The following MNAT1 variants were observed in gnomAD, a reference collection of about 807,000 sequenced individuals.
The protein encoded by MNAT1 is MNAT1 component of CDK activating kinase, also known as CDK-activating kinase assembly factor MAT1.
MNAT1 carries 43 observed loss-of-function variants against 42.0 expected under a neutral mutation model. The ratio of observed to expected loss-of-function variants is 1.02; its 90% CI spans 0.80 to 1.32. MNAT1 has a LOEUF of 1.32. MNAT1 is among the 40% of genes most tolerant of loss of function. MNAT1 has a pLI of 0.00. For missense variants in MNAT1, 306 were observed against 350.4 expected, an observed-to-expected ratio of 0.87 and a Z score of 1.01; for synonymous variants, 118 against 120.0, an observed-to-expected ratio of 0.98 and a Z score of 0.11.
intron 6 of MNAT1, among the ~76,000 whole-genome samples, chr14:60,851,485 T>C (rs1295521079): frequency 2.0e-5 from 3 of 152,182 alleles, no homozygotes; most frequent in African/African-American, 7.2e-5. Context: ...TGTCTCTGTG[T>C]CACACTTTGG....
chr14:60,769,863 A>G (rs1241529354), intron 1 of MNAT1, among the ~76,000 whole-genome samples: 1 of 151,894 alleles, frequency 6.6e-6, no homozygotes, highest in Non-Finnish European at 1.5e-5. Flanking sequence ...CAGAGTCTTG[A>G]TATGTTGCCC....
chr14:60,795,306 A>T (rs1050369340), intron 1 of MNAT1, among the ~76,000 whole-genome samples: 2 of 152,098 alleles, frequency 1.3e-5, no homozygotes, highest in Non-Finnish European at 2.9e-5. Flanking sequence ...TGCCTGACTG[A>T]GTGGTAGTAT....
intron 1 of MNAT1, among the ~76,000 whole-genome samples, chr14:60,751,914 A>G (rs1446121989): frequency 6.6e-6 from 1 of 152,160 alleles, no homozygotes; most frequent in African/African-American, 2.4e-5. Flanking sequence ...TGATTTATAT[A>G]TATTTAATGA....
rs568839778 is a variant in MNAT1 at position 60,837,492 on chromosome 14, C to A, written c.687+18645C>A. Reference sequence around the variant, plus strand: ...GGGAAGGGAGTTCCCTGACCCCATGCGCTTCCTGGGTGAGGCGATGCCCCA... The same window carrying A: ...GGGAAGGGAGTTCCCTGACCCCATGAGCTTCCTGGGTGAGGCGATGCCCCA... On this transcript the variant is annotated intron_variant, in intron 6 of 7. Coordinates refer to ENST00000261245, the MANE Select transcript of MNAT1 (RefSeq NM_002431.4). Among the ~76,000 whole-genome samples the A allele has an allele frequency of 5.3e-5, 8 of 152,320 alleles. No homozygotes were observed. The East Asian group carries it at 1.4e-3, about 26-fold the overall frequency.
At chr14:60,925,747 A>G (rs1205644920) in intron 7 of MNAT1, among the ~76,000 whole-genome samples, 1 of 152,046 alleles carries the variant, frequency 6.6e-6, no homozygotes, top group Non-Finnish European at 1.5e-5. Flanking sequence ...GGAATAATTA[A>G]TGTTTTTGTT....
chr14:60,883,793 T>C (rs2139471009), intron 7 of MNAT1, among the ~76,000 whole-genome samples: 1 of 152,108 alleles, frequency 6.6e-6, no homozygotes, highest in East Asian at 1.9e-4. Context: ...GATCTTTCAC[T>C]TATTTGGTTA....
chr14:60,776,068 T>C (rs961345090), intron 1 of MNAT1, among the ~76,000 whole-genome samples: 1 of 152,200 alleles, frequency 6.6e-6, no homozygotes, highest in Admixed American at 6.5e-5. Flanking sequence ...GCTTCAACCA[T>C]AGATGGATCA....
chr14:60,784,706 G>T (rs1005068899), intron 1 of MNAT1, among the ~76,000 whole-genome samples: 1 of 151,230 alleles, frequency 6.6e-6, no homozygotes, highest in Admixed American at 6.6e-5. Flanking sequence ...TTTGTGATCC[G>T]CCCACCTCGG....
intron 1 of MNAT1, among the ~76,000 whole-genome samples, chr14:60,784,839 G>A (rs1238278624): frequency 2.0e-5 from 3 of 151,728 alleles, no homozygotes; most frequent in Non-Finnish European, 4.4e-5. Context: ...CTTGATAAAT[G>A]TGTAGCTATA....
intron 7 of MNAT1, among the ~76,000 whole-genome samples, chr14:60,912,946 G>A (rs1025130522): frequency 1.6e-4 from 24 of 152,112 alleles, no homozygotes; most frequent in Admixed American, 5.9e-4. Context: ...CATTCTCCCC[G>A]TCACTTTCAG....
Position 60,808,358 on chromosome 14 carries a change from A to C in MNAT1, c.350A>C (p.Asn117Thr), listed in dbSNP as rs745676368. The C allele has an allele frequency of 6.3e-7, 1 of 1,585,614 alleles. No homozygotes were observed. The highest frequency in any genetic ancestry group is 1.2e-5 in the South Asian group (1 of 84,808). Residue 117 changes from asparagine to threonine, a missense_variant, in exon 4 of 8, where the codon AAC (asparagine) becomes ACC (threonine). Transcript: ENST00000261245. ...TTGACCAACAATGTGGATTTGGACA[A>C]CACCAAAAAGAAAATGGAGATATAC... The part of the protein sequence containing the change: ...FNLTNNVDLD[N>T]TKKKMEIYQK...
At chr14:60,757,443 A>G (rs1231288876) in intron 1 of MNAT1, among the ~76,000 whole-genome samples, 1 of 152,152 alleles carries the variant, frequency 6.6e-6, no homozygotes, top group Admixed American at 6.5e-5. Context: ...TTTTCTGGTC[A>G]TCAATTGAGA....
At chr14:60,801,724 G>A (rs1049040117) in intron 3 of MNAT1, among the ~76,000 whole-genome samples, 3 of 152,178 alleles carry the variant, frequency 2.0e-5, no homozygotes, top group Non-Finnish European at 4.4e-5. Context: ...TATGCTGTTG[G>A]TGGGAATGTG....
At chr14:60,916,400 A>G (rs1367292092) in intron 7 of MNAT1, among the ~76,000 whole-genome samples, 1 of 152,244 alleles carries the variant, frequency 6.6e-6, no homozygotes, top group Admixed American at 6.5e-5. Flanking sequence ...CACGCCTGCA[A>G]TCCCAGCACT....
intron 7 of MNAT1, among the ~76,000 whole-genome samples, chr14:60,953,978 T>C (rs1392263742): frequency 6.6e-6 from 1 of 152,192 alleles, no homozygotes; most frequent in Non-Finnish European, 1.5e-5. Context: ...AGGTTATTTG[T>C]TTTCTTGCTA....
At chr14:60,814,862 G>A (rs2032662640) in intron 5 of MNAT1, among the ~76,000 whole-genome samples, 1 of 152,078 alleles carries the variant, frequency 6.6e-6, no homozygotes, top group African/African-American at 2.4e-5. Context: ...TTAAGTGGCA[G>A]GTATGGCTTT....
chr14:60,852,984 G>A (rs1287988647), intron 6 of MNAT1, among the ~76,000 whole-genome samples: 3 of 152,030 alleles, frequency 2.0e-5, no homozygotes, highest in South Asian at 4.2e-4. Flanking sequence ...TAGCATGATG[G>A]CCCCAGCTTT....
intron 6 of MNAT1, among the ~76,000 whole-genome samples, chr14:60,876,607 C>A (rs1300521153): frequency 3.3e-5 from 5 of 152,000 alleles, no homozygotes; most frequent in Non-Finnish European, 5.9e-5. Context: ...CTATGGTAAC[C>A]ACTGATCTAC....
intron 7 of MNAT1, among the ~76,000 whole-genome samples, chr14:60,943,046 G>C (rs1382715854): frequency 2.9e-5 from 2 of 68,550 alleles, no homozygotes; most frequent in East Asian, 3.9e-4. Flanking sequence ...GTGTGTGTGT[G>C]TGTGCGCTTT....
Sources: allele counts gnomAD v4.1 joint callset (sites outside exome capture counted in the v4.1 genomes callset), GRCh38; gene constraint gnomAD v4.1.1; transcripts MANE v1.5; gene names NCBI Gene and HGNC (gene_info 2026-07-23, HGNC 2026-07-21).